Variants in RBFOX1 observed in about 807,000 individuals in gnomAD.
RBFOX1 encodes RNA binding protein fox-1 homolog 1.
A neutral mutation model predicts 57.7 loss-of-function variants in RBFOX1; 8 were observed. That is an observed-to-expected ratio of 0.14 (90% CI 0.08 to 0.25). The LOEUF is 0.25. Among genes scored for constraint, RBFOX1 ranks in the 10% least tolerant of loss-of-function variants. The pLI is 1.00. For synonymous variants in RBFOX1, 326 were observed against 222.4 expected (o/e 1.47, Z -4.15); for missense variants, 611 against 548.5 (o/e 1.11, Z -1.14).
At chr16:6,739,175 AAG>A (rs1488930107) in intron 3 of RBFOX1, among the ~76,000 whole-genome samples, 1 of 151,224 alleles carries the variant, frequency 6.6e-6, no homozygotes, top group Non-Finnish European at 1.5e-5. Context: ...ACAGAAAAAC[AAG>A]AGAGAAATGC....
intron 3 of RBFOX1, among the ~76,000 whole-genome samples, chr16:6,870,276 T>G (rs2060640662): frequency 6.6e-6 from 1 of 152,112 alleles, no homozygotes; most frequent in South Asian, 2.1e-4. Context: ...TTTGGTCGCT[T>G]GAAAAAATCC....
At chr16:6,479,813 G>A (rs1479749669) in intron 2 of RBFOX1, among the ~76,000 whole-genome samples, 1 of 152,014 alleles carries the variant, frequency 6.6e-6, no homozygotes, top group Non-Finnish European at 1.5e-5. Context: ...ACTTTGGGAG[G>A]CCGAGGCAGG....
intron 4 of RBFOX1, among the ~76,000 whole-genome samples, chr16:7,246,944 G>C (rs1174600590): frequency 6.6e-6 from 1 of 152,082 alleles, no homozygotes; most frequent in African/African-American, 2.4e-5. Flanking sequence ...ACAGGGATGA[G>C]AACAGTGTCT....
intron 1 of RBFOX1, among the ~76,000 whole-genome samples, chr16:6,063,449 C>A (rs1315216726): frequency 6.8e-6 from 1 of 146,294 alleles, no homozygotes; most frequent in Non-Finnish European, 1.5e-5. Flanking sequence ...TCATTAGCGT[C>A]TGTTCTCTTT....
At chr16:6,687,389 A>G (rs2059594583) in intron 3 of RBFOX1, among the ~76,000 whole-genome samples, 2 of 152,226 alleles carry the variant, frequency 1.3e-5, no homozygotes, top group African/African-American at 4.8e-5. Flanking sequence ...TCACCACTAT[A>G]TAATTCACCC....
At chr16:6,159,076 A>AT (rs2096858934) in intron 1 of RBFOX1, among the ~76,000 whole-genome samples, 1 of 151,412 alleles carries the variant, frequency 6.6e-6, no homozygotes, top group Non-Finnish European at 1.5e-5. Flanking sequence ...CTAATTTTTT[A>AT]TTTTTATTTT....
chr16:5,722,729 A>G (rs2051982507), intron 3 of RBFOX1, among the ~76,000 whole-genome samples: 1 of 152,176 alleles, frequency 6.6e-6, no homozygotes. Flanking sequence ...CTTCATGGAT[A>G]CCATTCTATG....
chr16:5,275,744 A>G (rs998252737), intron 1 of RBFOX1, among the ~76,000 whole-genome samples: 5 of 152,232 alleles, frequency 3.3e-5, no homozygotes, highest in Admixed American at 2.0e-4. Context: ...AACTAAGCAA[A>G]AAGAACCAAT....
chr16:6,762,799 A>T (rs1603616775), intron 3 of RBFOX1, among the ~76,000 whole-genome samples: 1 of 152,178 alleles, frequency 6.6e-6, no homozygotes, highest in African/African-American at 2.4e-5. Flanking sequence ...GCAAGGAAAC[A>T]GGCAATTGCA....
chr16:5,274,053 G>A (rs2063081932), intron 1 of RBFOX1, among the ~76,000 whole-genome samples: 1 of 152,224 alleles, frequency 6.6e-6, no homozygotes, highest in Admixed American at 6.5e-5. Flanking sequence ...AATGCTAACA[G>A]ACAAGACTGC....
chr16:6,374,651 G>A (rs764670117), intron 2 of RBFOX1, among the ~76,000 whole-genome samples: 1 of 152,080 alleles, frequency 6.6e-6, no homozygotes, highest in East Asian at 1.9e-4. Context: ...TTATATCCTG[G>A]CCAACTGCTC....
chr16:6,432,545 G>A (rs1409645588), intron 2 of RBFOX1, among the ~76,000 whole-genome samples: 1 of 151,742 alleles, frequency 6.6e-6, no homozygotes, highest in Non-Finnish European at 1.5e-5. Context: ...AGCGGGGTGT[G>A]GTGGCGGATA....
intron 3 of RBFOX1, among the ~76,000 whole-genome samples, chr16:5,805,875 A>T (rs1269879277): frequency 1.3e-5 from 2 of 152,160 alleles, no homozygotes; most frequent in Non-Finnish European, 2.9e-5. Context: ...GGATCCATCA[A>T]TATGGTTTCA....
At chr16:6,480,052 A>C (rs915457885) in intron 2 of RBFOX1, among the ~76,000 whole-genome samples, 2 of 144,020 alleles carry the variant, frequency 1.4e-5, no homozygotes, top group South Asian at 2.2e-4. Context: ...TCCACCTCGA[A>C]AAAAAAAAAA....
At chr16:6,651,998 C>G (rs1182191300) in intron 2 of RBFOX1, among the ~76,000 whole-genome samples, 3 of 152,292 alleles carry the variant, frequency 2.0e-5, no homozygotes, top group South Asian at 4.1e-4. Flanking sequence ...TCCACTTAAG[C>G]AAGTGTTAAG....
chr16:7,289,955 G>C (rs562996391), intron 4 of RBFOX1, among the ~76,000 whole-genome samples: 1 of 152,114 alleles, frequency 6.6e-6, no homozygotes, highest in Non-Finnish European at 1.5e-5. Context: ...GGCAGGACAA[G>C]GTTAGGATAA....
Position 5,350,394 on chromosome 16 carries a change from G to C in RBFOX1, c.219+110289G>C, listed in dbSNP as rs531970343. Among the ~76,000 whole-genome samples, 2 of 152,198 alleles carry C rather than the reference G, an allele frequency of 1.3e-5. 1 individual carries two copies. The highest frequency in any genetic ancestry group is 2.9e-5 in the Non-Finnish European group (2 of 68,034). On this transcript the variant is annotated intron_variant, in intron 1 of 2. Transcript: ENST00000585867. ...TTGGCTCTGGTTGATAGACGGGGGT[G>C]TGTCAGGCTGACACACAGCAGGAAT...
chr16:5,806,464 G>A (rs1258686499), intron 3 of RBFOX1, among the ~76,000 whole-genome samples: 1 of 152,168 alleles, frequency 6.6e-6, no homozygotes, highest in African/African-American at 2.4e-5. Flanking sequence ...CCTGTTACAA[G>A]GGATCAATCT....
At chr16:5,975,717 A>G (rs1176466200) in intron 4 of RBFOX1, among the ~76,000 whole-genome samples, 1 of 152,074 alleles carries the variant, frequency 6.6e-6, no homozygotes, top group Non-Finnish European at 1.5e-5. Context: ...TTAATGTCAA[A>G]ATGCTTGGGG....
Sources: gnomAD v4.1 joint callset for allele counts (sites outside exome capture counted in the v4.1 genomes callset) on GRCh38, gnomAD v4.1.1 for gene constraint, MANE v1.5 for transcripts, NCBI Gene and HGNC (gene_info 2026-07-23, HGNC 2026-07-21) for gene names.